Variants in NCAM2 observed in about 807,000 individuals in gnomAD.
The protein encoded by NCAM2 is N-CAM-2.
NCAM2 carries 30 observed loss-of-function variants against 98.1 expected under a neutral mutation model. The ratio of observed to expected loss-of-function variants is 0.31; its 90% CI spans 0.23 to 0.41. NCAM2 has a LOEUF of 0.41. Ranked by LOEUF, NCAM2 falls within the 10% of genes least tolerant of loss-of-function variation. The pLI is 1.00. For synonymous variants in NCAM2, 368 were observed against 342.4 expected (o/e 1.07, Z -0.83); for missense variants, 867 against 1,005.8 (o/e 0.86, Z 1.87).
intron 1 of NCAM2, among the ~76,000 whole-genome samples, chr21:21,206,654 C>T (rs147059316): frequency 1.0e-3 from 152 of 152,060 alleles, no homozygotes; most frequent in Non-Finnish European, 1.8e-3. Flanking sequence ...TATGCTTCTG[C>T]GACATAAAAT....
intron 8 of NCAM2, among the ~76,000 whole-genome samples, chr21:21,358,994 T>C (rs1483166566): frequency 6.6e-6 from 1 of 152,050 alleles, no homozygotes; most frequent in Non-Finnish European, 1.5e-5. Flanking sequence ...GCCAAGGTTA[T>C]TTGGATAATG....
At chr21:21,077,403 T>C (rs925712757) in intron 1 of NCAM2, among the ~76,000 whole-genome samples, 8 of 152,148 alleles carry the variant, frequency 5.3e-5, no homozygotes, top group Non-Finnish European at 1.0e-4. Context: ...TGAAGGATTA[T>C]TGAGAAAGAA....
At chr21:21,382,006 C>T (rs951626026) in intron 9 of NCAM2, among the ~76,000 whole-genome samples, 7 of 152,084 alleles carry the variant, frequency 4.6e-5, no homozygotes, top group African/African-American at 1.7e-4. Flanking sequence ...TTTCTTTAAG[C>T]ATGGGGTTTC....
intron 4 of NCAM2, 117 bp downstream of exon 4, chr21:21,286,529 A>G: frequency 2.6e-6 from 3 of 1,139,346 alleles, no homozygotes; most frequent in Non-Finnish European, 3.7e-6. Context: ...ATATTCAACA[A>G]CTATTTTGAG....
chr21:21,257,828 G>T (rs1264178106), intron 1 of NCAM2, among the ~76,000 whole-genome samples: 1 of 152,084 alleles, frequency 6.6e-6, no homozygotes, highest in East Asian at 1.9e-4. Flanking sequence ...TGATCTGCCC[G>T]CCTCGGGCTT....
Position 21,528,937 on chromosome 21 carries a change from G to A in NCAM2, c.2283-5600G>A, listed in dbSNP as rs184785190. Reference sequence around the variant, plus strand: ...TCCAGAAAAGAAGTTATATACTTCAGCACTTTATTTCTAAACCCTGGGAAA... The same window carrying A: ...TCCAGAAAAGAAGTTATATACTTCAACACTTTATTTCTAAACCCTGGGAAA... On this transcript the variant is annotated intron_variant, in intron 16 of 17. Transcript: ENST00000400546. Among the ~76,000 whole-genome samples, 306 of 152,116 alleles carry A rather than the reference G, an allele frequency of 2.0e-3. 1 individual carries two copies. The highest frequency in any genetic ancestry group is 7.1e-3 in the African/African-American group (295 of 41,516).
intron 15 of NCAM2, among the ~76,000 whole-genome samples, chr21:21,488,275 C>T (rs962307398): frequency 5.2e-5 from 3 of 58,096 alleles, no homozygotes; most frequent in African/African-American, 1.0e-4. Flanking sequence ...ATTGGGAAAC[C>T]ATTATAATTA....
At chr21:21,129,560 G>A (rs971660601) in intron 1 of NCAM2, among the ~76,000 whole-genome samples, 2 of 152,042 alleles carry the variant, frequency 1.3e-5, no homozygotes, top group Non-Finnish European at 2.9e-5. Flanking sequence ...CCTGGAGACT[G>A]GAAAATTCAT....
chr21:21,096,409 C>G (rs560254474), intron 1 of NCAM2, among the ~76,000 whole-genome samples: 4 of 151,770 alleles, frequency 2.6e-5, no homozygotes, highest in East Asian at 1.9e-4. Context: ...TGAAAACTTA[C>G]AATTGTTCTG....
At chr21:21,259,731 C>T (rs983437638) in intron 1 of NCAM2, among the ~76,000 whole-genome samples, 5 of 152,016 alleles carry the variant, frequency 3.3e-5, no homozygotes, top group Admixed American at 6.6e-5. Context: ...TGGATTGCTA[C>T]AAGAAGAACC....
At chr21:21,460,769 G>A (rs1002106399) in intron 12 of NCAM2, among the ~76,000 whole-genome samples, 1 of 151,988 alleles carries the variant, frequency 6.6e-6, no homozygotes, top group Admixed American at 6.6e-5. Context: ...TCACAGTATA[G>A]TAGCCAAATA....
intron 17 of NCAM2, among the ~76,000 whole-genome samples, chr21:21,536,354 G>GAT (rs1989980653): frequency 6.6e-6 from 1 of 151,100 alleles, no homozygotes; most frequent in Non-Finnish European, 1.5e-5. Context: ...AACATGGTAA[G>GAT]GTTAAAGTCA....
chr21:21,268,789 C>A (rs1040386148), intron 1 of NCAM2, among the ~76,000 whole-genome samples: 1 of 152,104 alleles, frequency 6.6e-6, no homozygotes, highest in Non-Finnish European at 1.5e-5. Context: ...GAGAAGGTAC[C>A]GAATTTGCCC....
intron 16 of NCAM2, among the ~76,000 whole-genome samples, chr21:21,510,907 T>A (rs1988334163): frequency 6.6e-6 from 1 of 152,010 alleles, no homozygotes; most frequent in Non-Finnish European, 1.5e-5. Flanking sequence ...ATTATCTACG[T>A]CTCCTTTCCT....
intron 15 of NCAM2, among the ~76,000 whole-genome samples, chr21:21,507,169 G>T (rs563976280): frequency 2.0e-5 from 3 of 151,728 alleles, no homozygotes; most frequent in Admixed American, 6.6e-5. Flanking sequence ...CTAGTATTCA[G>T]ACAAGTCTGA....
chr21:21,415,630 C>T (rs1424276287), intron 10 of NCAM2, among the ~76,000 whole-genome samples: 3 of 152,134 alleles, frequency 2.0e-5, no homozygotes, highest in East Asian at 1.9e-4. Flanking sequence ...CCACCTCGCC[C>T]GGCCCTTAGC....
intron 1 of NCAM2, among the ~76,000 whole-genome samples, chr21:21,238,066 C>T (rs969464336): frequency 4.0e-5 from 6 of 148,954 alleles, no homozygotes; most frequent in African/African-American, 1.5e-4. Context: ...AGCGATTCTC[C>T]TGCCTCAGCC....
At chr21:21,302,156 T>A (rs2073734346) in intron 5 of NCAM2, among the ~76,000 whole-genome samples, 3 of 151,266 alleles carry the variant, frequency 2.0e-5, no homozygotes, top group Admixed American at 2.0e-4. Flanking sequence ...TAAAGACACA[T>A]GCACACGTAT....
intron 14 of NCAM2, among the ~76,000 whole-genome samples, chr21:21,469,870 A>C (rs1602433966): frequency 6.6e-6 from 1 of 152,128 alleles, no homozygotes; most frequent in East Asian, 1.9e-4. Flanking sequence ...TCTCCTGGCC[A>C]TTCTCATTTG....
Sources: gnomAD v4.1 joint callset for allele counts (sites outside exome capture counted in the v4.1 genomes callset) on GRCh38, gnomAD v4.1.1 for gene constraint, MANE v1.5 for transcripts, NCBI Gene and HGNC (gene_info 2026-07-23, HGNC 2026-07-21) for gene names.